LRRTM4: variants seen among roughly 807,000 people sequenced by gnomAD.
LRRTM4 encodes the protein leucine-rich repeat transmembrane neuronal protein 4.
LRRTM4 carries 25 observed loss-of-function variants against 47.6 expected under a neutral mutation model. The observed-to-expected ratio is 0.53, with a 90% confidence interval of 0.38 to 0.73. LRRTM4 has a LOEUF of 0.73. Among genes scored for constraint, LRRTM4 ranks in the 30% least tolerant of loss-of-function variants. The probability of loss-of-function intolerance (pLI) is 0.00; values close to 1 mark genes in which losing one functional copy is unlikely to be tolerated. For synonymous variants in LRRTM4, 311 were observed against 269.5 expected, an observed-to-expected ratio of 1.15 and a Z score of -1.51; for missense variants, 638 against 713.4, an observed-to-expected ratio of 0.89 and a Z score of 1.20.
chr2:77,108,578 C>CTTTTTTTTTTTTT (rs200805423), intron 3 of LRRTM4, among the ~76,000 whole-genome samples: 1 of 142,948 alleles, frequency 7.0e-6, no homozygotes, highest in African/African-American at 2.6e-5. Context: ...CACAAACATT[C>CTTTTTTTTTTTTT]TTTTTTTTTT....
At chr2:77,335,788 A>C (rs577743078) in intron 3 of LRRTM4, among the ~76,000 whole-genome samples, 2 of 152,224 alleles carry the variant, frequency 1.3e-5, no homozygotes, top group South Asian at 2.1e-4. Context: ...TGCATGAGTA[A>C]ATTTGCCCAA....
intron 3 of LRRTM4, among the ~76,000 whole-genome samples, chr2:76,803,011 G>T (rs1675786343): frequency 6.6e-6 from 1 of 152,074 alleles, no homozygotes; most frequent in African/African-American, 2.4e-5. Context: ...GTAGAAAACA[G>T]GGGATAAGCT....
chr2:76,818,802 A>G (rs555175589), intron 3 of LRRTM4, among the ~76,000 whole-genome samples: 102 of 151,880 alleles, frequency 6.7e-4, no homozygotes, highest in Admixed American at 1.8e-3. Flanking sequence ...AGTTAATCCT[A>G]AAAATAAAAT....
intron 3 of LRRTM4, among the ~76,000 whole-genome samples, chr2:76,943,328 C>G (rs1444997594): frequency 2.0e-5 from 3 of 152,118 alleles, no homozygotes; most frequent in Admixed American, 1.3e-4. Flanking sequence ...CCCAGCTACT[C>G]CTGAGGCTGA....
intron 3 of LRRTM4, among the ~76,000 whole-genome samples, chr2:76,988,085 T>C (rs1299127694): frequency 3.3e-5 from 5 of 151,864 alleles, no homozygotes; most frequent in Non-Finnish European, 7.4e-5. Context: ...TCTGGGTTCT[T>C]TTTTCTTCTA....
chr2:77,400,056 C>T (rs1378301530), intron 3 of LRRTM4, among the ~76,000 whole-genome samples: 1 of 151,710 alleles, frequency 6.6e-6, no homozygotes, highest in Admixed American at 6.6e-5. Context: ...TCTGACGCTC[C>T]CCTCCACCTC....
At chr2:76,776,202 A>G (rs976694801) in intron 3 of LRRTM4, among the ~76,000 whole-genome samples, 16 of 152,166 alleles carry the variant, frequency 1.1e-4, no homozygotes, top group South Asian at 2.1e-4. Flanking sequence ...GTTGTGAATA[A>G]TGCCGCAATA....
At chr2:77,440,229 A>C (rs1675783424) in intron 3 of LRRTM4, among the ~76,000 whole-genome samples, 1 of 152,190 alleles carries the variant, frequency 6.6e-6, no homozygotes, top group South Asian at 2.1e-4. Context: ...CCTGGCTAAC[A>C]CGGTGAGAAC....
intron 3 of LRRTM4, among the ~76,000 whole-genome samples, chr2:76,784,226 T>G (rs1674553571): frequency 1.3e-5 from 2 of 152,118 alleles, no homozygotes; most frequent in Admixed American, 6.5e-5. Context: ...CAATTTCTTT[T>G]ATTAAATACA....
chr2:77,123,012 G>C (rs562835125), intron 3 of LRRTM4, among the ~76,000 whole-genome samples: 2 of 151,944 alleles, frequency 1.3e-5, no homozygotes, highest in South Asian at 4.1e-4. Context: ...ATGGCTCAAT[G>C]TGTTAAGAAC....
intron 3 of LRRTM4, among the ~76,000 whole-genome samples, chr2:77,053,490 C>G (rs1028995413): frequency 6.6e-6 from 1 of 152,068 alleles, no homozygotes; most frequent in African/African-American, 2.4e-5. Flanking sequence ...GCCTAGGACT[C>G]TCAATTTTAA....
chr2:77,241,231 C>A (rs1315681622), intron 3 of LRRTM4, among the ~76,000 whole-genome samples: 1 of 111,854 alleles, frequency 8.9e-6, no homozygotes. Context: ...CACACACACA[C>A]ACACACACAC....
intron 3 of LRRTM4, among the ~76,000 whole-genome samples, chr2:77,271,123 C>A (rs1322002749): frequency 6.6e-6 from 1 of 152,124 alleles, no homozygotes. Context: ...CCATTTTCAT[C>A]AGTCAATAAA....
At chr2:77,288,342 T>C (rs1001686262) in intron 3 of LRRTM4, among the ~76,000 whole-genome samples, 3 of 151,762 alleles carry the variant, frequency 2.0e-5, no homozygotes, top group African/African-American at 2.4e-5. Context: ...TGAAAAATGA[T>C]ATGAAAAACT....
chr2:77,458,967 C>T (rs1676671525), intron 3 of LRRTM4, among the ~76,000 whole-genome samples: 1 of 151,908 alleles, frequency 6.6e-6, no homozygotes, highest in East Asian at 1.9e-4. Flanking sequence ...GTTTCTTTCT[C>T]TGCTTCTGAT....
intron 3 of LRRTM4, among the ~76,000 whole-genome samples, chr2:76,749,269 G>C (rs1284263187): frequency 6.6e-6 from 1 of 152,016 alleles, no homozygotes; most frequent in East Asian, 1.9e-4. Context: ...TAACAATATA[G>C]GGGAGGATCT....
chr2:77,115,909 C>G (rs1671378804), intron 3 of LRRTM4, among the ~76,000 whole-genome samples: 1 of 152,112 alleles, frequency 6.6e-6, no homozygotes, highest in Non-Finnish European at 1.5e-5. Flanking sequence ...TCCTATTCCC[C>G]CAGTTTATCT....
chr2:77,324,784 G>C lies in LRRTM4; in HGVS notation c.1551+193534C>G, dbSNP rs542666206. 1.8e-4 allele frequency among the ~76,000 whole-genome samples: 27 copies of C among 152,228 alleles called. No individual in the cohort carries two copies. In the South Asian group the frequency reaches 4.3e-3, roughly 25 times the overall value. On this transcript the variant is annotated intron_variant, in intron 3 of 3. Transcript: ENST00000409884. ...GTTTCATTTTGTTTAAGAAGTCACT[G>C]ACTATTTTGTGAAGAATTGATTGGA... is the stretch of plus-strand genomic sequence containing the variant.
intron 3 of LRRTM4, among the ~76,000 whole-genome samples, chr2:76,818,705 A>T (rs1344822431): frequency 6.6e-6 from 1 of 151,740 alleles, no homozygotes; most frequent in Non-Finnish European, 1.5e-5. Flanking sequence ...GTTCACTCAT[A>T]TATCACCCCA....
Sources: gnomAD v4.1 joint callset for allele counts (sites outside exome capture counted in the v4.1 genomes callset) on GRCh38, gnomAD v4.1.1 for gene constraint, MANE v1.5 for transcripts, NCBI Gene and HGNC (gene_info 2026-07-23, HGNC 2026-07-21) for gene names.